The following BTN2A1 variants were observed in gnomAD, a reference collection of about 807,000 sequenced individuals.
BTN2A1 encodes butyrophilin subfamily 2 member A1, also known as butyrophilin, subfamily 2, member A1.
A neutral mutation model predicts 34.5 loss-of-function variants in BTN2A1; 41 were observed. The observed-to-expected ratio is 1.19, with a 90% CI of 0.93 to 1.54. BTN2A1 has a LOEUF of 1.54. Among genes scored for constraint, BTN2A1 ranks in the 40% most tolerant of loss-of-function variants. The pLI is 0.00. For synonymous variants in BTN2A1, 267 were observed against 258.6 expected (o/e 1.03, Z -0.31); for missense variants, 642 against 662.0 (o/e 0.97, Z 0.33).
At chr6:26,469,665 T>G (rs1763416063), downstream of BTN2A1, 1 of 152,258 alleles carries the variant, frequency 6.6e-6, no homozygotes, top group Non-Finnish European at 1.5e-5. Flanking sequence ...CCAGATCTAA[T>G]GTGTGGCTTG....
downstream of BTN2A1, among the ~76,000 whole-genome samples, chr6:26,472,667 G>C (rs1763471461): frequency 1.3e-5 from 2 of 152,060 alleles, no homozygotes; most frequent in African/African-American, 2.4e-5. Flanking sequence ...GGCTAAACTG[G>C]CATGCCCCAG....
downstream of BTN2A1, among the ~76,000 whole-genome samples, chr6:26,473,883 C>A (rs116290099): frequency 6.6e-6 from 1 of 152,186 alleles, no homozygotes; most frequent in Non-Finnish European, 1.5e-5. Flanking sequence ...AGTTTTCATT[C>A]TAACCGTCCC....
At chr6:26,458,988 AT>A (rs1763086710) in intron 2 of BTN2A1, among the ~76,000 whole-genome samples, 2 of 152,184 alleles carry the variant, frequency 1.3e-5, no homozygotes, top group Admixed American at 1.3e-4. Context: ...TGTATACTAT[AT>A]TTTGTTTCGC....
In BTN2A1 at chr6:26,469,370, A is replaced by T; in HGVS notation, c.*821A>T. 1 of 980,372 alleles carries T rather than the reference A, an allele frequency of 1.0e-6. No individual in the cohort carries two copies. Among genetic ancestry groups the T allele is most frequent in the Non-Finnish European group, 1.2e-6 (1 of 825,292 alleles). The allele number at this position is 980,372 out of a possible 1,614,324, so 60.7% of individuals were successfully genotyped here. A position where few individuals can be genotyped will look rare whatever the true frequency, so the allele number is the denominator to read the frequency against. ...CTTCCTGGTTTCATGATATCTTGAG[A>T]CGCCTTACAAATGATGGAGGATTCC... On this transcript the variant is annotated 3_prime_UTR_variant, in exon 8 of 8. Coordinates refer to ENST00000312541, the MANE Select transcript of BTN2A1 (RefSeq NM_007049.5).
chr6:26,458,167 C>T, intron 1 of BTN2A1, 25 bp downstream of exon 1: 1 of 163,682 alleles, frequency 6.1e-6, no homozygotes, highest in South Asian at 1.5e-4. Context: ...GGAGGCGCTA[C>T]AGCTCCGGGG....
Position 26,468,207 on chromosome 6 carries a change from G to A in BTN2A1, c.1242G>A (p.Leu414=), listed in dbSNP as rs1244719851. The A allele has an allele frequency of 6.2e-7, 1 of 1,614,096 alleles. No homozygotes were observed. The highest frequency in any genetic ancestry group is 8.5e-7 in the Non-Finnish European group (1 of 1,180,056). The change falls in exon 8 of 8, where the codon CTG becomes CTA. Residue 414 remains leucine, a synonymous_variant. Transcript: ENST00000312541. The stretch of plus-strand genomic sequence containing the variant: ...GTGTTGAGAGGAAAGGGGAGGTCCT[G>A]CTGATTCCTCAGAATGGCTTCTGGA... ...RDSVERKGEV[L]LIPQNGFWTL...
chr6:26,471,808 CTA>C (rs1763457853), downstream of BTN2A1, among the ~76,000 whole-genome samples: 1 of 152,086 alleles, frequency 6.6e-6, no homozygotes, highest in Non-Finnish European at 1.5e-5. Context: ...GTTGAGGAGT[CTA>C]TATTAGAGAT....
At position 26,467,592 on chromosome 6, in the gene BTN2A1, G is replaced by A. The variant is rs563566564; in HGVS notation, c.983-356G>A. On this transcript the variant is annotated intron_variant, in intron 7 of 7. Coordinates refer to ENST00000312541, the MANE Select transcript of BTN2A1 (RefSeq NM_007049.5). ...CTCCCAAAGTTCTGGGATTACAGGCGTGAGTCACCACGCCTGGCCAGAGAT... is the reference window on the plus strand; with the variant it reads ...CTCCCAAAGTTCTGGGATTACAGGCATGAGTCACCACGCCTGGCCAGAGAT... The A allele has an allele frequency of 5.5e-5, 56 of 1,016,296 alleles. 1 individual carries two copies. The highest frequency in any genetic ancestry group is 3.7e-4 in the South Asian group (21 of 57,394). The allele number at this position is 1,016,296 out of a possible 1,614,324, so 63.0% of individuals were successfully genotyped here.
chr6:26,469,379 A>C lies in BTN2A1; in HGVS notation c.*830A>C, dbSNP rs1763409885. The C allele has an allele frequency of 1.0e-6, 1 of 972,786 alleles. No homozygotes were observed. Among genetic ancestry groups the C allele is most frequent in the Non-Finnish European group, 1.2e-6 (1 of 818,398 alleles). The allele number at this position is 972,786 out of a possible 1,614,324, so 60.3% of individuals were successfully genotyped here. The stretch of plus-strand genomic sequence containing the variant: ...TTCATGATATCTTGAGACGCCTTAC[A>C]AATGATGGAGGATTCCAAAGAGTTT... On this transcript the variant is annotated 3_prime_UTR_variant, in exon 8 of 8. Transcript: ENST00000312541.
At chr6:26,459,425 G>A in intron 2 of BTN2A1, 56 bp from the exon 3 acceptor site, 1 of 1,563,184 alleles carries the variant, frequency 6.4e-7, no homozygotes, top group Non-Finnish European at 8.8e-7. Flanking sequence ...TTCCTTTCTT[G>A]CCTTAGAGAT....
chr6:26,468,980 G>T lies in BTN2A1; in HGVS notation c.*431G>T. On this transcript the variant is annotated 3_prime_UTR_variant, in exon 8 of 8. Coordinates refer to ENST00000312541, the MANE Select transcript of BTN2A1 (RefSeq NM_007049.5). Reference sequence around the variant, plus strand: ...AGGAATCCACAGGACCACCAGAGAGGAGAGGGAACCAGATATGCAGATCAG... The same window carrying T: ...AGGAATCCACAGGACCACCAGAGAGTAGAGGGAACCAGATATGCAGATCAG... 8.3e-7 allele frequency: 1 copy of T among 1,200,656 alleles called. No homozygotes were observed. Among genetic ancestry groups the T allele is most frequent in the Non-Finnish European group, 1.1e-6 (1 of 950,586 alleles). The allele number at this position is 1,200,656 out of a possible 1,614,324, so 74.4% of individuals were successfully genotyped here. A position where few individuals can be genotyped will look rare whatever the true frequency, so the allele number is the denominator to read the frequency against.
At chr6:26,465,900 A>C in intron 5 of BTN2A1, 53 bp from the exon 6 acceptor site, 1 of 1,613,360 alleles carries the variant, frequency 6.2e-7, no homozygotes, top group Non-Finnish European at 8.5e-7. Flanking sequence ...CTAAAAACCC[A>C]ACTTCTTTTA....
In BTN2A1 at chr6:26,468,789, A is replaced by C; in HGVS notation, c.*240A>C. The C allele has an allele frequency of 6.3e-7, 1 of 1,595,096 alleles. No individual in the cohort carries two copies. The highest frequency in any genetic ancestry group is 8.6e-7 in the Non-Finnish European group (1 of 1,169,212). ...GGATGGGATCCAGGCATAGGGAACT[A>C]GTTGTTACACAGCTCCCAGCCAAGA... On this transcript the variant is annotated 3_prime_UTR_variant, in exon 8 of 8. Coordinates refer to ENST00000312541, the MANE Select transcript of BTN2A1 (RefSeq NM_007049.5).
intron 3 of BTN2A1, among the ~76,000 whole-genome samples, chr6:26,460,151 T>G (rs1400781517): frequency 2.3e-5 from 3 of 129,632 alleles, no homozygotes; most frequent in Non-Finnish European, 4.6e-5. Context: ...TTCTTTTGGG[T>G]TTTTTTTTTC....
chr6:26,465,116 C>G, intron 4 of BTN2A1, 69 bp from the exon 5 acceptor site: 1 of 1,361,960 alleles, frequency 7.3e-7, no homozygotes, highest in East Asian at 2.3e-5. Flanking sequence ...TTCAAGTGTG[C>G]TCCTAGGGGC....
chr6:26,466,029 C>T, intron 6 of BTN2A1, 33 bp from the exon 7 acceptor site: 2 of 1,614,236 alleles, frequency 1.2e-6, no homozygotes, highest in Middle Eastern at 1.7e-4. Flanking sequence ...TCAGCAACAT[C>T]TCATGACATT....
intron 4 of BTN2A1, 120 bp downstream of exon 4, chr6:26,463,645 T>C (rs1217713521): frequency 2.0e-5 from 24 of 1,198,416 alleles, no homozygotes; most frequent in Non-Finnish European, 2.7e-5. Flanking sequence ...CCTAAGGACC[T>C]GGAGGCTGCA....
chr6:26,471,465 C>A (rs537565027), downstream of BTN2A1, among the ~76,000 whole-genome samples: 1 of 152,212 alleles, frequency 6.6e-6, no homozygotes, highest in South Asian at 2.1e-4. Flanking sequence ...CGGTGGCTCA[C>A]GCCCGTCATC....
chr6:26,462,936 T>G, intron 3 of BTN2A1: 1 of 1,272,038 alleles, frequency 7.9e-7, no homozygotes, highest in Non-Finnish European at 1.0e-6. Flanking sequence ...TGAACAAGCA[T>G]TTATGGCAGA....
Sources: allele counts gnomAD v4.1 joint callset (sites outside exome capture counted in the v4.1 genomes callset), GRCh38; gene constraint gnomAD v4.1.1; transcripts MANE v1.5; gene names NCBI Gene and HGNC (gene_info 2026-07-23, HGNC 2026-07-21).